WDPCP: variants seen among roughly 807,000 people sequenced by gnomAD.
WDPCP encodes the protein WD repeat-containing and planar cell polarity effector protein fritz homolog.
WDPCP carries 71 observed loss-of-function variants against 93.1 expected under a neutral mutation model. The ratio of observed to expected loss-of-function variants is 0.76; its 90% CI spans 0.63 to 0.93. WDPCP has a LOEUF of 0.93. Ranked by LOEUF, WDPCP falls within the 40% of genes least tolerant of loss-of-function variation. The pLI, the probability that WDPCP is intolerant of heterozygous loss-of-function variation, is 0.00. For missense variants in WDPCP, 844 were observed against 887.4 expected (o/e 0.95, Z 0.62); for synonymous variants, 315 against 315.0 (o/e 1.00, Z 0.00).
intron 2 of WDPCP, among the ~76,000 whole-genome samples, chr2:63,811,545 C>T (rs1418576123): frequency 6.6e-6 from 1 of 151,508 alleles, no homozygotes; most frequent in Non-Finnish European, 1.5e-5. Flanking sequence ...AACTTGGAAG[C>T]AGATTATTTC....
chr2:63,387,338 A>C (rs1692818394), intron 10 of WDPCP, among the ~76,000 whole-genome samples: 1 of 152,164 alleles, frequency 6.6e-6, no homozygotes, highest in African/African-American at 2.4e-5. Flanking sequence ...TACACAAATC[A>C]CTAAATGTGA....
intron 17 of WDPCP, among the ~76,000 whole-genome samples, chr2:63,129,151 T>C (rs150147094): frequency 3.3e-5 from 5 of 152,396 alleles, no homozygotes; most frequent in African/African-American, 1.2e-4. Context: ...TATATGTATA[T>C]ACCACCTTTT....
chr2:63,367,695 T>C (rs1691024763), intron 12 of WDPCP, among the ~76,000 whole-genome samples: 1 of 152,198 alleles, frequency 6.6e-6, no homozygotes, highest in Non-Finnish European at 1.5e-5. Flanking sequence ...CATGTGTTAC[T>C]CCTGTAATCA....
chr2:63,328,987 A>G (rs912708903), intron 12 of WDPCP, among the ~76,000 whole-genome samples: 2 of 152,142 alleles, frequency 1.3e-5, no homozygotes, highest in Non-Finnish European at 1.5e-5. Flanking sequence ...TTGGCCTCCC[A>G]AAGTGCTACA....
intron 2 of WDPCP, chr2:63,717,300 G>A: frequency 1.9e-6 from 1 of 539,802 alleles, no homozygotes. Context: ...GCAAGATGGT[G>A]GCAGGCCAAA....
chr2:63,600,308 C>G (rs1709394519), intron 3 of WDPCP, among the ~76,000 whole-genome samples: 2 of 152,118 alleles, frequency 1.3e-5, no homozygotes, highest in African/African-American at 4.8e-5. Context: ...ATATGGGTAT[C>G]TCATATTATC....
intron 14 of WDPCP, among the ~76,000 whole-genome samples, chr2:63,239,468 A>C (rs895225111): frequency 1.3e-5 from 2 of 152,192 alleles, no homozygotes; most frequent in Non-Finnish European, 2.9e-5. Flanking sequence ...TAATTTTGAT[A>C]AAACAAGATA....
intron 2 of WDPCP, among the ~76,000 whole-genome samples, chr2:63,769,769 G>A (rs1226576961): frequency 1.3e-5 from 2 of 151,794 alleles, no homozygotes; most frequent in African/African-American, 4.8e-5. Flanking sequence ...CACAACTGTA[G>A]GTATATCATA....
At chr2:63,395,661 C>T (rs6751119) in intron 10 of WDPCP, among the ~76,000 whole-genome samples, 85,691 of 151,994 alleles carry the variant, frequency 0.56, 24,499 homozygotes, top group Admixed American at 0.64. Flanking sequence ...TTTGGGATGA[C>T]GGAAATGTTC....
chr2:63,201,898 C>G (rs1252375508), intron 14 of WDPCP, among the ~76,000 whole-genome samples: 1 of 151,986 alleles, frequency 6.6e-6, no homozygotes, highest in East Asian at 1.9e-4. Flanking sequence ...CTTTTCCCTT[C>G]CTCCAACAGC....
chr2:63,497,765 C>A (rs1383770450), intron 1 of WDPCP, among the ~76,000 whole-genome samples: 1 of 152,088 alleles, frequency 6.6e-6, no homozygotes, highest in Non-Finnish European at 1.5e-5. Context: ...GAAAAATACG[C>A]CTGGAGGAAG....
chr2:63,137,914 G>A (rs1425177172), intron 17 of WDPCP, among the ~76,000 whole-genome samples: 1 of 152,090 alleles, frequency 6.6e-6, no homozygotes, highest in Non-Finnish European at 1.5e-5. Context: ...ATTGGTCCAT[G>A]TGTCTGTTTT....
At chr2:63,170,971 G>T (rs2103976508) in intron 15 of WDPCP, among the ~76,000 whole-genome samples, 1 of 151,870 alleles carries the variant, frequency 6.6e-6, no homozygotes, top group Non-Finnish European at 1.5e-5. Flanking sequence ...TGGGGAAAAT[G>T]AGTTTTTTTT....
At chr2:63,835,087 A>G in the WDPCP span, among the ~76,000 whole-genome samples, 10 of 151,964 alleles carry the variant, frequency 6.6e-5, no homozygotes, top group African/African-American at 2.4e-4. Flanking sequence ...TTGAAGTGCA[A>G]TTTAAAATGG....
chr2:63,550,492 C>T (rs1705524257), intron 1 of WDPCP, among the ~76,000 whole-genome samples: 1 of 151,954 alleles, frequency 6.6e-6, no homozygotes, highest in African/African-American at 2.4e-5. Context: ...CTATTTTCTT[C>T]TCTTTGCTCC....
intron 1 of WDPCP, among the ~76,000 whole-genome samples, chr2:63,819,047 T>A (rs142219184): frequency 3.3e-5 from 5 of 152,340 alleles, no homozygotes; most frequent in African/African-American, 7.2e-5. Flanking sequence ...TGCACTCTTA[T>A]ATATGTTTTC....
At chr2:63,549,899 G>A (rs181249307) in intron 1 of WDPCP, among the ~76,000 whole-genome samples, 7 of 152,116 alleles carry the variant, frequency 4.6e-5, no homozygotes, top group Admixed American at 3.3e-4. Flanking sequence ...AGTAAGAAAG[G>A]GAGATGTGAA....
chr2:63,190,529 G>C (rs748264335), intron 14 of WDPCP, among the ~76,000 whole-genome samples: 20 of 151,330 alleles, frequency 1.3e-4, no homozygotes, highest in Middle Eastern at 3.4e-3. Flanking sequence ...TTTAAATTGT[G>C]TTTTCCTCAA....
chr2:63,474,589 T>G (rs1455878839), intron 6 of WDPCP, among the ~76,000 whole-genome samples: 4 of 152,120 alleles, frequency 2.6e-5, no homozygotes, highest in Admixed American at 2.6e-4. Context: ...CACTGCTATT[T>G]TAATTTGTAC....
Sources: allele counts gnomAD v4.1 joint callset (sites outside exome capture counted in the v4.1 genomes callset), GRCh38; gene constraint gnomAD v4.1.1; transcripts MANE v1.5; gene names NCBI Gene and HGNC (gene_info 2026-07-23, HGNC 2026-07-21).